SORCS3: variants seen among roughly 807,000 people sequenced by gnomAD.
The protein encoded by SORCS3 is sortilin related VPS10 domain containing receptor 3, also known as VPS10 domain-containing receptor SorCS3.
A neutral mutation model predicts 146.3 loss-of-function variants in SORCS3; 57 were observed. The ratio of observed to expected loss-of-function variants is 0.39; its 90% CI spans 0.31 to 0.49. The LOEUF is 0.49. Ranked by LOEUF, SORCS3 falls within the 20% of genes least tolerant of loss-of-function variation. SORCS3 has a pLI of 0.92. For synonymous variants in SORCS3, 653 were observed against 618.5 expected, an observed-to-expected ratio of 1.06 and a Z score of -0.83; for missense variants, 1,341 against 1,575.5, an observed-to-expected ratio of 0.85 and a Z score of 2.52.
intron 16 of SORCS3, among the ~76,000 whole-genome samples, chr10:105,201,898 G>A (rs1187286537): frequency 6.6e-6 from 1 of 152,100 alleles, no homozygotes; most frequent in Non-Finnish European, 1.5e-5. Flanking sequence ...CCCCTTCATT[G>A]GAAGGAGTCC....
At chr10:105,094,627 G>A (rs1376141978) in intron 6 of SORCS3, among the ~76,000 whole-genome samples, 2 of 152,238 alleles carry the variant, frequency 1.3e-5, no homozygotes, top group Non-Finnish European at 2.9e-5. Context: ...TGATGGACAA[G>A]TATTAGAATG....
intron 4 of SORCS3, among the ~76,000 whole-genome samples, chr10:105,000,577 G>A (rs1174405322): frequency 2.0e-5 from 3 of 151,972 alleles, no homozygotes; most frequent in Admixed American, 1.3e-4. Context: ...TAGGAATTCC[G>A]GCATCTATTG....
At chr10:105,033,522 T>C (rs1301361360) in intron 4 of SORCS3, among the ~76,000 whole-genome samples, 1 of 152,180 alleles carries the variant, frequency 6.6e-6, no homozygotes, top group Admixed American at 6.5e-5. Flanking sequence ...TATGGGGAGA[T>C]TAAGATTTCA....
At chr10:104,824,565 ACTG>A (rs2017914064) in intron 1 of SORCS3, among the ~76,000 whole-genome samples, 1 of 152,174 alleles carries the variant, frequency 6.6e-6, no homozygotes, top group African/African-American at 2.4e-5. Context: ...TATTCACTTC[ACTG>A]TTATTTACAG....
chr10:105,258,462 C>T (rs182744543), intron 25 of SORCS3, among the ~76,000 whole-genome samples: 4 of 152,212 alleles, frequency 2.6e-5, no homozygotes, highest in African/African-American at 7.2e-5. Context: ...GGTTGCTGGG[C>T]GTGACAATCA....
intron 16 of SORCS3, among the ~76,000 whole-genome samples, chr10:105,210,139 G>A (rs2056625319): frequency 6.6e-6 from 1 of 152,078 alleles, no homozygotes; most frequent in South Asian, 2.1e-4. Flanking sequence ...ATTTGCCTCT[G>A]TTTTCATTGG....
At chr10:104,874,621 A>G (rs1441714227) in intron 2 of SORCS3, among the ~76,000 whole-genome samples, 1 of 152,132 alleles carries the variant, frequency 6.6e-6, no homozygotes, top group African/African-American at 2.4e-5. Flanking sequence ...TGTAATTGGG[A>G]TGGGTAGAAT....
At chr10:105,052,302 A>G (rs1378376669) in intron 5 of SORCS3, among the ~76,000 whole-genome samples, 1 of 152,046 alleles carries the variant, frequency 6.6e-6, no homozygotes, top group Non-Finnish European at 1.5e-5. Flanking sequence ...CATAGTGCAC[A>G]TGGCAACACC....
intron 2 of SORCS3, among the ~76,000 whole-genome samples, chr10:104,904,105 A>C (rs1475444450): frequency 6.6e-6 from 1 of 152,208 alleles, no homozygotes; most frequent in African/African-American, 2.4e-5. Context: ...GGTCCTTAGT[A>C]ACTTTTAAAA....
At position 105,124,817 on chromosome 10, in the gene SORCS3, C is replaced by T. The variant is rs531826982; in HGVS notation, c.1213-14580C>T. Among the ~76,000 whole-genome samples the T allele has an allele frequency of 1.2e-4, 18 of 152,230 alleles. No homozygotes were observed. In the South Asian group the frequency reaches 3.1e-3, roughly 26 times the overall value. On this transcript the variant is annotated intron_variant, in intron 7 of 26. Transcript: ENST00000369701. ...CTGTTTCTTCTGAGAAAAATGTTCT[C>T]GGAAGAGACGTACACCTTGTAATAA...
chr10:104,661,810 G>C (rs1204513266), intron 1 of SORCS3, among the ~76,000 whole-genome samples: 9 of 152,148 alleles, frequency 5.9e-5, no homozygotes, highest in Admixed American at 5.9e-4. Flanking sequence ...ACAAGAAACA[G>C]TTCAGACTTG....
intron 14 of SORCS3, 101 bp downstream of exon 14, chr10:105,178,274 TC>T: frequency 1.2e-6 from 1 of 868,252 alleles, no homozygotes; most frequent in Non-Finnish European, 1.7e-6. Context: ...ACCAAAGTGG[TC>T]CAATCTCTGG....
intron 4 of SORCS3, among the ~76,000 whole-genome samples, chr10:105,001,328 C>T (rs758804329): frequency 2.0e-5 from 3 of 152,150 alleles, no homozygotes; most frequent in South Asian, 2.1e-4. Flanking sequence ...GAAGGAGAAT[C>T]GTGTAAAGTT....
At chr10:104,939,860 A>G (rs1471261222) in intron 3 of SORCS3, among the ~76,000 whole-genome samples, 1 of 152,106 alleles carries the variant, frequency 6.6e-6, no homozygotes, top group East Asian at 1.9e-4. Flanking sequence ...GCCCGTAATC[A>G]CTAGACTTAT....
chr10:104,690,386 T>C (rs1233939079), intron 1 of SORCS3, among the ~76,000 whole-genome samples: 1 of 152,152 alleles, frequency 6.6e-6, no homozygotes, highest in East Asian at 1.9e-4. Flanking sequence ...GTGAAGAATG[T>C]CAGTTTGGAA....
intron 4 of SORCS3, among the ~76,000 whole-genome samples, chr10:105,003,306 G>A (rs2055072728): frequency 6.6e-6 from 1 of 152,160 alleles, no homozygotes; most frequent in African/African-American, 2.4e-5. Flanking sequence ...GCAGTGGACA[G>A]CCTGTTCCTC....
At chr10:105,091,689 G>C (rs61867244) in intron 6 of SORCS3, among the ~76,000 whole-genome samples, 4,695 of 152,212 alleles carry the variant, frequency 0.031, 103 homozygotes, top group Middle Eastern at 0.048. Context: ...GGGAATTTAA[G>C]AAGATACTGT....
chr10:104,793,440 CA>C (rs1480385731), intron 1 of SORCS3, among the ~76,000 whole-genome samples: 1 of 152,020 alleles, frequency 6.6e-6, no homozygotes, highest in Non-Finnish European at 1.5e-5. Context: ...AATAGGGTGA[CA>C]TTGGTAGGAT....
At chr10:105,076,606 G>C (rs1256727362) in intron 5 of SORCS3, among the ~76,000 whole-genome samples, 1 of 152,096 alleles carries the variant, frequency 6.6e-6, no homozygotes, top group Non-Finnish European at 1.5e-5. Context: ...CCAACTGGTG[G>C]GCCAGCAGGA....
Sources: gnomAD v4.1 joint callset for allele counts (sites outside exome capture counted in the v4.1 genomes callset) on GRCh38, gnomAD v4.1.1 for gene constraint, MANE v1.5 for transcripts, NCBI Gene and HGNC (gene_info 2026-07-23, HGNC 2026-07-21) for gene names.